Variants in IKBKB-DT observed in about 807,000 individuals in gnomAD.
IKBKB-DT encodes the protein IKBKB divergent transcript.
At chr8:42,245,951 T>C (rs996300872) in intron 3 of IKBKB-DT, among the ~76,000 whole-genome samples, 5 of 152,220 alleles carry the variant, frequency 3.3e-5, no homozygotes, top group African/African-American at 1.2e-4. Flanking sequence ...AAGTGGTTAA[T>C]TAAGAAGTGA....
At chr8:42,235,205 C>CTTTTTTTTTTTTTTT (rs746414963) in intron 3 of IKBKB-DT, among the ~76,000 whole-genome samples, 32 of 99,378 alleles carry the variant, frequency 3.2e-4, no homozygotes, top group African/African-American at 4.0e-4. Flanking sequence ...CTTTTATTTT[C>CTTTTTTTTTTTTTTT]TTTTTTTTTT....
In IKBKB-DT at chr8:42,255,950, C is replaced by T. The variant is rs140790917; in HGVS notation, n.1529+7379G>A. Among the ~76,000 whole-genome samples, 1,483 of 150,626 alleles carry T rather than the reference C, an allele frequency of 9.8e-3. 16 individuals are homozygous for T. The highest frequency in any genetic ancestry group is 0.033 in the African/African-American group (1,352 of 40,930). On this transcript the variant is annotated intron_variant and non_coding_transcript_variant, in intron 3 of 3. Transcript: ENST00000518213. ...CTGAGGCAGGAGAATCGCTTGAACC[C>T]GGGAGGTGGAGGTTGCAGTGAGCCG...
chr8:42,237,469 T>C (rs1806939805), intron 3 of IKBKB-DT, among the ~76,000 whole-genome samples: 1 of 152,184 alleles, frequency 6.6e-6, no homozygotes, highest in Non-Finnish European at 1.5e-5. Flanking sequence ...ATGGGGCATA[T>C]CTGACCTCCT....
At chr8:42,243,359 C>T (rs1807026936) in intron 3 of IKBKB-DT, among the ~76,000 whole-genome samples, 1 of 151,968 alleles carries the variant, frequency 6.6e-6, no homozygotes, top group Non-Finnish European at 1.5e-5. Context: ...ACTATTATTG[C>T]ATTTCTAAAG....
intron 3 of IKBKB-DT, among the ~76,000 whole-genome samples, chr8:42,235,426 A>G (rs1351042076): frequency 6.6e-6 from 1 of 152,026 alleles, no homozygotes; most frequent in Non-Finnish European, 1.5e-5. Flanking sequence ...GGTGGTCTCA[A>G]ACTCCTGGCC....
intron 3 of IKBKB-DT, among the ~76,000 whole-genome samples, chr8:42,251,224 T>C (rs1224731796): frequency 2.0e-5 from 3 of 152,236 alleles, no homozygotes; most frequent in Non-Finnish European, 4.4e-5. Context: ...CACTCACAGA[T>C]GGAACAATGG....
intron 3 of IKBKB-DT, among the ~76,000 whole-genome samples, chr8:42,251,282 G>A (rs1490395752): frequency 6.6e-6 from 1 of 152,232 alleles, no homozygotes; most frequent in African/African-American, 2.4e-5. Context: ...TATCCCTTAA[G>A]CATTTGGGTC....
intron 3 of IKBKB-DT, among the ~76,000 whole-genome samples, chr8:42,257,456 G>A (rs956650687): frequency 5.3e-5 from 8 of 151,484 alleles, no homozygotes; most frequent in African/African-American, 1.2e-4. Flanking sequence ...AGCCAAGATC[G>A]CGCCACTGCA....
intron 3 of IKBKB-DT, among the ~76,000 whole-genome samples, chr8:42,255,073 G>A (rs182362545): frequency 1.1e-3 from 152 of 136,200 alleles, no homozygotes; most frequent in African/African-American, 3.6e-3. Flanking sequence ...GAAGAGCGCC[G>A]CTGCCCAGCT....
intron 3 of IKBKB-DT, among the ~76,000 whole-genome samples, chr8:42,254,702 G>A (rs1171273078): frequency 6.9e-6 from 1 of 145,956 alleles, no homozygotes; most frequent in Non-Finnish European, 1.5e-5. Context: ...CTCCCCATCT[G>A]GGATGTCAGG....
intron 3 of IKBKB-DT, among the ~76,000 whole-genome samples, chr8:42,254,481 G>A (rs1231817384): frequency 6.6e-6 from 1 of 151,386 alleles, no homozygotes; most frequent in Non-Finnish European, 1.5e-5. Flanking sequence ...GGGATGTGAG[G>A]AGTGCCTCTG....
intron 3 of IKBKB-DT, among the ~76,000 whole-genome samples, chr8:42,256,373 C>T (rs1374931729): frequency 1.3e-5 from 2 of 150,814 alleles, no homozygotes; most frequent in Non-Finnish European, 2.9e-5. Context: ...ACCAGCCTGG[C>T]CAACATAGTG....
chr8:42,245,114 G>C (rs896791348), intron 3 of IKBKB-DT, among the ~76,000 whole-genome samples: 1 of 152,010 alleles, frequency 6.6e-6, no homozygotes, highest in Non-Finnish European at 1.5e-5. Context: ...AATTAGCCAG[G>C]CGTGGTGGCA....
chr8:42,266,071 C>T (rs1375342847), exon 2 of IKBKB-DT: 1 of 152,312 alleles, frequency 6.6e-6, no homozygotes, highest in Non-Finnish European at 1.5e-5. Flanking sequence ...GACTTCTTCA[C>T]ATCCTCCGAC....
intron 3 of IKBKB-DT, among the ~76,000 whole-genome samples, chr8:42,240,624 CAAAAAAAAAAAAAA>C: frequency 3.8e-5 from 1 of 26,398 alleles, no homozygotes; most frequent in East Asian, 1.3e-3. Context: ...GACTCAGTCT[CAAAAAAAAAAAAAA>C]AAAAAAAAAA....
intron 3 of IKBKB-DT, among the ~76,000 whole-genome samples, chr8:42,246,198 G>C (rs1807061275): frequency 6.6e-6 from 1 of 152,062 alleles, no homozygotes; most frequent in African/African-American, 2.4e-5. Flanking sequence ...CACCATGCCG[G>C]GCTAATTTTT....
rs149089444 is a variant in IKBKB-DT, at chr8:42,259,325, T to A, written n.1529+4004A>T. Among the ~76,000 whole-genome samples, 1,193 of 152,232 alleles carry A rather than the reference T, an allele frequency of 7.8e-3. 9 individuals are homozygous for A. Among genetic ancestry groups the A allele is most frequent in the Non-Finnish European group, 0.012 (810 of 67,988 alleles). On this transcript the variant is annotated intron_variant and non_coding_transcript_variant, in intron 3 of 3. Transcript: ENST00000518213. ...CAGGCATGAGCTACTGTGCCCAGCC[T>A]GTAGCACAGTTTTTCAATGTGGCAT...
intron 2 of IKBKB-DT, among the ~76,000 whole-genome samples, chr8:42,265,142 C>G (rs1406105577): frequency 1.3e-5 from 2 of 152,120 alleles, no homozygotes; most frequent in East Asian, 3.8e-4. Flanking sequence ...GGATTACAGG[C>G]GTGAGCCATC....
chr8:42,257,703 G>GCGGGCAGAT (rs1807224831), intron 3 of IKBKB-DT, among the ~76,000 whole-genome samples: 1 of 152,088 alleles, frequency 6.6e-6, no homozygotes, highest in African/African-American at 2.4e-5. Context: ...GGAGGCCAAG[G>GCGGGCAGAT]CAGGAGGATC....
Sources: gnomAD v4.1 joint callset for allele counts (sites outside exome capture counted in the v4.1 genomes callset) on GRCh38, gnomAD v4.1.1 for gene constraint, MANE v1.5 for transcripts, NCBI Gene and HGNC (gene_info 2026-07-23, HGNC 2026-07-21) for gene names.